The following EFCAB5 variants were observed in gnomAD, a reference collection of about 807,000 sequenced individuals.
EFCAB5 encodes the protein EF-hand calcium binding domain 5.
In EFCAB5, 131 loss-of-function variants were observed where a neutral mutation model predicts 167.9. The observed-to-expected ratio is 0.78, with a 90% CI of 0.68 to 0.90. EFCAB5 has a LOEUF of 0.90. EFCAB5 is among the 40% of genes least tolerant of loss of function. EFCAB5 has a pLI of 0.00. For missense variants in EFCAB5, 1,663 were observed against 1,745.2 expected, an observed-to-expected ratio of 0.95 and a Z score of 0.84; for synonymous variants, 574 against 602.8, an observed-to-expected ratio of 0.95 and a Z score of 0.70.
chr17:29,941,748 G>A lies in EFCAB5; in HGVS notation c.-49G>A, dbSNP rs1285086669. On this transcript the variant is annotated 5_prime_UTR_variant, in exon 1 of 23. Transcript: ENST00000394835. ...TTCTTTCTTTTTGTTATTAATACTGGTCTAGTAATATTCTTCTATACCATT... is the reference window on the plus strand; with the variant it reads ...TTCTTTCTTTTTGTTATTAATACTGATCTAGTAATATTCTTCTATACCATT... 6.7e-7 allele frequency: 1 copy of A among 1,483,206 alleles called. No homozygotes were observed. Among genetic ancestry groups the A allele is most frequent in the Non-Finnish European group, 9.2e-7 (1 of 1,082,238 alleles). The allele number at this position is 1,483,206 out of a possible 1,614,324, so 91.9% of individuals were successfully genotyped here.
intron 22 of EFCAB5, among the ~76,000 whole-genome samples, chr17:30,101,897 T>C (rs1189773261): frequency 6.6e-6 from 1 of 152,228 alleles, no homozygotes; most frequent in Non-Finnish European, 1.5e-5. Flanking sequence ...GATGGGCTGT[T>C]GTTAGAGTAA....
intron 7 of EFCAB5, among the ~76,000 whole-genome samples, chr17:30,016,663 C>A (rs2069049406): frequency 6.6e-6 from 1 of 151,984 alleles, no homozygotes; most frequent in African/African-American, 2.4e-5. Flanking sequence ...ATGGTATATT[C>A]TTTTCTTATT....
intron 22 of EFCAB5, among the ~76,000 whole-genome samples, chr17:30,095,636 C>T (rs1230204666): frequency 6.6e-6 from 1 of 152,140 alleles, no homozygotes; most frequent in Non-Finnish European, 1.5e-5. Context: ...CAGCTAAGGA[C>T]CTGACAGGAA....
At chr17:29,938,337 C>G (rs1320906274), upstream of EFCAB5, among the ~76,000 whole-genome samples, 1 of 152,174 alleles carries the variant, frequency 6.6e-6, no homozygotes, top group Non-Finnish European at 1.5e-5. Context: ...ATCGTATGAG[C>G]CTTTATCCAC....
At chr17:29,942,666 T>C (rs182127126) in intron 2 of EFCAB5, among the ~76,000 whole-genome samples, 1 of 152,264 alleles carries the variant, frequency 6.6e-6, no homozygotes, top group African/African-American at 2.4e-5. Flanking sequence ...AAGGCTACAA[T>C]AAAGAAGAAC....
intron 19 of EFCAB5, among the ~76,000 whole-genome samples, chr17:30,087,977 C>T (rs967959786): frequency 6.6e-6 from 1 of 152,160 alleles, no homozygotes; most frequent in Non-Finnish European, 1.5e-5. Context: ...CTTAAGATCA[C>T]CATTCTGACT....
intron 3 of EFCAB5, among the ~76,000 whole-genome samples, chr17:29,962,620 C>T (rs959958686): frequency 4.3e-4 from 64 of 147,280 alleles, no homozygotes; most frequent in Non-Finnish European, 7.1e-4. Context: ...GGGTACGTGC[C>T]ACCATGCCTG....
intron 14 of EFCAB5, among the ~76,000 whole-genome samples, chr17:30,075,509 T>C (rs2070851085): frequency 6.6e-6 from 1 of 152,036 alleles, no homozygotes; most frequent in Non-Finnish European, 1.5e-5. Flanking sequence ...TCACCCTGTT[T>C]AGGTTCTGAC....
rs2071469212 is a variant in EFCAB5 at position 30,107,833 on chromosome 17, GA to G, written c.4322del (p.Asp1441ValfsTer29). ...NVQLIDEYIR[D>X]HSRTEVWKFG... The stretch of plus-strand genomic sequence containing the variant: ...ACTTTTCTTTTTTTTTCCTGATGCA[GA>G]TCATTCCCGAACTGAAGTATGGAAA... On this transcript the variant is annotated frameshift_variant and splice_region_variant, in exon 23 of 23. Transcript: ENST00000394835. LOFTEE classifies it low-confidence loss of function (END_TRUNC). 1 of 1,545,432 alleles carries G rather than the reference GA, an allele frequency of 6.5e-7. No individual in the cohort carries two copies. The highest frequency in any genetic ancestry group is 1.4e-5 in the African/African-American group (1 of 70,852).
chr17:30,083,110 A>G (rs1342192809), intron 18 of EFCAB5, 67 bp downstream of exon 18: 1 of 1,495,438 alleles, frequency 6.7e-7, no homozygotes, highest in East Asian at 2.5e-5. Flanking sequence ...ATTTCTTGCT[A>G]ATATTTGAAA....
intron 9 of EFCAB5, among the ~76,000 whole-genome samples, chr17:30,051,919 C>T (rs2070109655): frequency 1.3e-5 from 2 of 151,930 alleles, no homozygotes; most frequent in East Asian, 1.9e-4. Context: ...AGTAAAATAT[C>T]CTTTTTATGT....
chr17:29,990,754 A>T (rs1273948188), intron 4 of EFCAB5, among the ~76,000 whole-genome samples: 1 of 152,188 alleles, frequency 6.6e-6, no homozygotes, highest in Admixed American at 6.5e-5. Flanking sequence ...CCTAACAGAG[A>T]ACTGCCAGGC....
intron 4 of EFCAB5, among the ~76,000 whole-genome samples, chr17:29,990,910 C>T (rs2068400907): frequency 1.3e-5 from 2 of 152,144 alleles, no homozygotes; most frequent in African/African-American, 4.8e-5. Flanking sequence ...AGGGTCAGGC[C>T]ACTCTTTTTC....
At chr17:29,954,907 A>T (rs974036589) in intron 3 of EFCAB5, among the ~76,000 whole-genome samples, 6 of 152,172 alleles carry the variant, frequency 3.9e-5, no homozygotes, top group African/African-American at 1.4e-4. Context: ...TGAGACACAG[A>T]GTCAAACGAG....
At chr17:30,076,934 G>T (rs1255800568) in intron 14 of EFCAB5, among the ~76,000 whole-genome samples, 3 of 152,202 alleles carry the variant, frequency 2.0e-5, no homozygotes, top group Non-Finnish European at 2.9e-5. Flanking sequence ...TGGAAGATAT[G>T]TAGCATAGTG....
At chr17:29,992,454 T>G (rs1454857320) in intron 4 of EFCAB5, among the ~76,000 whole-genome samples, 6 of 152,146 alleles carry the variant, frequency 3.9e-5, no homozygotes, top group African/African-American at 1.4e-4. Flanking sequence ...TTCACACCAT[T>G]CTCCTGCCTC....
At chr17:30,055,445 C>T (rs929232976) in intron 10 of EFCAB5, among the ~76,000 whole-genome samples, 1 of 152,074 alleles carries the variant, frequency 6.6e-6, no homozygotes, top group African/African-American at 2.4e-5. Flanking sequence ...TTAAAATTTA[C>T]AGTAAGAACA....
chr17:29,998,405 A>G (rs1400760548), intron 6 of EFCAB5, among the ~76,000 whole-genome samples: 1 of 152,194 alleles, frequency 6.6e-6, no homozygotes, highest in African/African-American at 2.4e-5. Flanking sequence ...TTTCTGTACT[A>G]TTCATTCGGT....
intron 3 of EFCAB5, among the ~76,000 whole-genome samples, chr17:29,958,373 C>T (rs1008049652): frequency 3.3e-5 from 5 of 152,048 alleles, no homozygotes; most frequent in Non-Finnish European, 7.4e-5. Flanking sequence ...TTTCAAATAG[C>T]CTGTCTTCAA....
Sources: gnomAD v4.1 joint callset for allele counts (sites outside exome capture counted in the v4.1 genomes callset) on GRCh38, gnomAD v4.1.1 for gene constraint, MANE v1.5 for transcripts, NCBI Gene and HGNC (gene_info 2026-07-23, HGNC 2026-07-21) for gene names.